ALG14: variants seen among roughly 807,000 people sequenced by gnomAD.
ALG14 encodes the protein UDP-N-acetylglucosamine transferase subunit ALG14.
A neutral mutation model predicts 22.8 loss-of-function variants in ALG14; 17 were observed. The ratio of observed to expected loss-of-function variants is 0.75; its 90% CI spans 0.51 to 1.12. The LOEUF is 1.12. Ranked by LOEUF, ALG14 falls within the 50% of genes most tolerant of loss-of-function variation. The probability of loss-of-function intolerance (pLI) is 0.00; values close to 1 mark genes in which losing one functional copy is unlikely to be tolerated. For missense variants in ALG14, 288 were observed against 271.8 expected, an observed-to-expected ratio of 1.06 and a Z score of -0.42; for synonymous variants, 89 against 103.7, an observed-to-expected ratio of 0.86 and a Z score of 0.86.
chr1:94,977,446 T>C lies in ALG14; in HGVS notation c.*5630A>G, dbSNP rs931799764. ...GTTTATGAGGTCAAAACTATTTTCATAGTAATATTAAGATGTTATTTGCCT... is the reference window on the plus strand; with the variant it reads ...GTTTATGAGGTCAAAACTATTTTCACAGTAATATTAAGATGTTATTTGCCT... On this transcript the variant is annotated 3_prime_UTR_variant, in exon 4 of 4. Transcript: ENST00000370205. 2.0e-5 allele frequency: 3 copies of C among 152,210 alleles called. No individual in the cohort carries two copies. Among genetic ancestry groups the C allele is most frequent in the African/African-American group, 7.2e-5 (3 of 41,454 alleles). 9.4% of individuals were successfully genotyped at this position (152,210 alleles called of 1,614,324 possible).
At chr1:94,987,636 G>C (rs1413579925) in intron 3 of ALG14, among the ~76,000 whole-genome samples, 1 of 152,122 alleles carries the variant, frequency 6.6e-6, no homozygotes, top group Non-Finnish European at 1.5e-5. Flanking sequence ...ATAACATTCT[G>C]CATGTATGAA....
At chr1:95,050,645 G>A (rs889307055) in intron 2 of ALG14, among the ~76,000 whole-genome samples, 2 of 152,186 alleles carry the variant, frequency 1.3e-5, no homozygotes, top group African/African-American at 4.8e-5. Context: ...CCTGTGACAT[G>A]AAGGTTTGAG....
intron 3 of ALG14, among the ~76,000 whole-genome samples, chr1:95,017,779 G>A (rs1334279157): frequency 1.3e-5 from 2 of 152,134 alleles, no homozygotes; most frequent in African/African-American, 4.8e-5. Context: ...TAGCCACATC[G>A]ACATCATAAT....
rs1041758028 is a variant in ALG14 at position 94,980,839 on chromosome 1, T to C, written c.*2237A>G. On this transcript the variant is annotated 3_prime_UTR_variant, in exon 4 of 4. Coordinates refer to ENST00000370205, the MANE Select transcript of ALG14 (RefSeq NM_144988.4). ...TGATATAACACATACACATTCTTTCTCTGACATTCCAGGCTAACCACTGTC... is the reference window on the plus strand; with the variant it reads ...TGATATAACACATACACATTCTTTCCCTGACATTCCAGGCTAACCACTGTC... 6.6e-6 allele frequency: 1 copy of C among 152,252 alleles called. No homozygotes were observed. Among genetic ancestry groups the C allele is most frequent in the African/African-American group, 2.4e-5 (1 of 41,468 alleles). The allele number at this position is 152,252 out of a possible 1,614,324, so 9.4% of individuals were successfully genotyped here. A position where few individuals can be genotyped will look rare whatever the true frequency, so the allele number is the denominator to read the frequency against.
At chr1:95,069,121 C>T (rs1162028764) in intron 1 of ALG14, among the ~76,000 whole-genome samples, 2 of 152,190 alleles carry the variant, frequency 1.3e-5, no homozygotes, top group Non-Finnish European at 2.9e-5. Context: ...CTATTTGTTT[C>T]TCTACTTCGG....
In ALG14 at chr1:94,978,982, T is replaced by A. The variant is rs1672447463; in HGVS notation, c.*4094A>T. 1 of 151,690 alleles carries A rather than the reference T, an allele frequency of 6.6e-6. No homozygotes were observed. Among genetic ancestry groups the A allele is most frequent in the Admixed American group, 6.6e-5 (1 of 15,230 alleles). 9.4% of individuals were successfully genotyped at this position (151,690 alleles called of 1,614,324 possible). A position where few individuals can be genotyped will look rare whatever the true frequency, so the allele number is the denominator to read the frequency against. Reference sequence around the variant, plus strand: ...TTACTTAACCTCTCTGTGGTGTAAATATTATAAAAAGTGGAACAAGGGCCG... The same window carrying A: ...TTACTTAACCTCTCTGTGGTGTAAAAATTATAAAAAGTGGAACAAGGGCCG... On this transcript the variant is annotated 3_prime_UTR_variant, in exon 4 of 4. Transcript: ENST00000370205.
intron 2 of ALG14, among the ~76,000 whole-genome samples, chr1:95,056,585 C>T (rs1674940622): frequency 2.6e-5 from 4 of 151,948 alleles, no homozygotes. Context: ...ATCGAGGCTG[C>T]AGTGAGCTGT....
At chr1:94,987,557 G>C (rs146395052) in intron 3 of ALG14, among the ~76,000 whole-genome samples, 10 of 152,362 alleles carry the variant, frequency 6.6e-5, no homozygotes, top group African/African-American at 1.9e-4. Flanking sequence ...CAAGGATCAA[G>C]AGCAGTTTCA....
At chr1:95,027,800 C>G (rs1179778228) in intron 2 of ALG14, among the ~76,000 whole-genome samples, 1 of 152,170 alleles carries the variant, frequency 6.6e-6, no homozygotes, top group East Asian at 1.9e-4. Context: ...ATGGGTACAA[C>G]TTTTTGGGAG....
In ALG14 at chr1:95,062,218, T is replaced by C. The variant is rs184367265; in HGVS notation, c.288+2648A>G. On this transcript the variant is annotated intron_variant, in intron 2 of 3. Coordinates refer to ENST00000370205, the MANE Select transcript of ALG14 (RefSeq NM_144988.4). Reference sequence around the variant, plus strand: ...AGTAAAAATAAAATAATTTTCACTATTGGAATTCAACGAAAAACTGCTTTC... The same window carrying C: ...AGTAAAAATAAAATAATTTTCACTACTGGAATTCAACGAAAAACTGCTTTC... 2.6e-5 allele frequency: 4 copies of C among 152,330 alleles called. No homozygotes were observed. The East Asian group carries it at 5.8e-4, about 22-fold the overall frequency. 9.4% of individuals were successfully genotyped at this position (152,330 alleles called of 1,614,324 possible). A position where few individuals can be genotyped will look rare whatever the true frequency, so the allele number is the denominator to read the frequency against.
intron 3 of ALG14, among the ~76,000 whole-genome samples, chr1:95,023,364 TC>T: frequency 6.6e-6 from 1 of 152,318 alleles, no homozygotes; most frequent in Admixed American, 6.5e-5. Flanking sequence ...CTTCAAGTGA[TC>T]CGCCCGCTTT....
At position 94,983,255 on chromosome 1, in the gene ALG14, G is replaced by C; in HGVS notation, c.472C>G (p.Leu158Val). ...TCVPICVSAL[L>V]LGILGIKKVI... ...TTCTTTATTCCTAGTATCCCAAGGA[G>C]AAGGGCAGATACACAGATAGGAACA... Residue 158 changes from leucine to valine, a missense_variant, in exon 4 of 4, where the codon CTC (leucine) becomes GTC (valine). Transcript: ENST00000370205. 1 of 1,614,172 alleles carries C rather than the reference G, an allele frequency of 6.2e-7. No individual in the cohort carries two copies.
intron 2 of ALG14, among the ~76,000 whole-genome samples, chr1:95,047,384 C>T (rs899929470): frequency 6.6e-6 from 1 of 152,046 alleles, no homozygotes; most frequent in Non-Finnish European, 1.5e-5. Flanking sequence ...GCTCTTGTCA[C>T]CCAGGTTGGA....
chr1:95,040,067 G>A (rs1487117256), intron 2 of ALG14, among the ~76,000 whole-genome samples: 1 of 152,046 alleles, frequency 6.6e-6, no homozygotes, highest in Admixed American at 6.6e-5. Flanking sequence ...AACTACTGGG[G>A]AGGTTGAGGT....
intron 2 of ALG14, among the ~76,000 whole-genome samples, chr1:95,029,332 G>C (rs893044668): frequency 6.6e-6 from 1 of 152,174 alleles, no homozygotes; most frequent in Non-Finnish European, 1.5e-5. Context: ...AAAAGTAAGT[G>C]CTCCAAGAAG....
intron 3 of ALG14, among the ~76,000 whole-genome samples, chr1:95,020,233 A>G (rs2100761160): frequency 6.6e-6 from 1 of 152,086 alleles, no homozygotes; most frequent in South Asian, 2.1e-4. Flanking sequence ...AAAAGATAAA[A>G]AATTATACAA....
In ALG14 at chr1:94,975,800, A is replaced by ACCAT. The variant is rs1432028796; in HGVS notation, c.*7272_*7275dup. The ACCAT allele has an allele frequency of 6.6e-6, 1 of 151,998 alleles. No homozygotes were observed. The highest frequency in any genetic ancestry group is 1.9e-4 in the East Asian group (1 of 5,174). The allele number at this position is 151,998 out of a possible 1,614,324, so 9.4% of individuals were successfully genotyped here. A position where few individuals can be genotyped will look rare whatever the true frequency, so the allele number is the denominator to read the frequency against. ...CAGATCACGAGGTGAGGAGATGGAG[A>ACCAT]CCATCCTGGCTAACACAGTGAAACC... On this transcript the variant is annotated 3_prime_UTR_variant, in exon 4 of 4. Transcript: ENST00000370205.
At chr1:95,017,046 A>G (rs917966813) in intron 3 of ALG14, among the ~76,000 whole-genome samples, 2 of 150,570 alleles carry the variant, frequency 1.3e-5, no homozygotes, top group African/African-American at 4.9e-5. Context: ...ATACTGACCA[A>G]CTATGTGAAT....
intron 2 of ALG14, among the ~76,000 whole-genome samples, chr1:95,033,420 T>TATAC (rs1553229109): frequency 3.3e-3 from 458 of 139,628 alleles, no homozygotes; most frequent in Non-Finnish European, 5.2e-3. Context: ...TATATATATA[T>TATAC]ACACACACAC....
Sources: gnomAD v4.1 joint callset for allele counts (sites outside exome capture counted in the v4.1 genomes callset) on GRCh38, gnomAD v4.1.1 for gene constraint, MANE v1.5 for transcripts, NCBI Gene and HGNC (gene_info 2026-07-23, HGNC 2026-07-21) for gene names.